GRIK2: variants seen among roughly 807,000 people sequenced by gnomAD.
The protein encoded by GRIK2 is glutamate receptor ionotropic, kainate 2.
Under a neutral mutation model 100.3 loss-of-function variants are expected in GRIK2, and 32 were observed. That is an observed-to-expected ratio of 0.32 (90% CI 0.24 to 0.43). The LOEUF (loss-of-function observed/expected upper bound fraction) is 0.43, where lower values mean the gene tolerates loss of function less well. GRIK2 is among the 20% of genes least tolerant of loss of function. The pLI is 1.00. For missense variants in GRIK2, 843 were observed against 1,114.9 expected (o/e 0.76, Z 3.47); for synonymous variants, 417 against 389.4 (o/e 1.07, Z -0.83).
At chr6:102,041,878 G>A (rs1770599552) in intron 15 of GRIK2, among the ~76,000 whole-genome samples, 1 of 151,548 alleles carries the variant, frequency 6.6e-6, no homozygotes. Flanking sequence ...TACATTTTTA[G>A]AACTGTCTTG....
At chr6:101,407,209 C>T (rs1316553789) in intron 2 of GRIK2, among the ~76,000 whole-genome samples, 2 of 152,048 alleles carry the variant, frequency 1.3e-5, no homozygotes, top group African/African-American at 4.8e-5. Flanking sequence ...GATTTTAGTA[C>T]ATTCGGGTCC....
chr6:101,987,893 G>T (rs1001299584), intron 14 of GRIK2, among the ~76,000 whole-genome samples: 6 of 150,712 alleles, frequency 4.0e-5, no homozygotes, highest in South Asian at 2.1e-4. Context: ...CTTTTTTCCT[G>T]AGCTTAGACT....
chr6:101,781,841 T>C (rs1009868999), intron 7 of GRIK2, among the ~76,000 whole-genome samples: 1 of 152,088 alleles, frequency 6.6e-6, no homozygotes, highest in Non-Finnish European at 1.5e-5. Flanking sequence ...TAGTTTTTTT[T>C]TTTCTAAAAT....
At chr6:101,474,990 A>G (rs1468183988) in intron 2 of GRIK2, among the ~76,000 whole-genome samples, 14 of 151,810 alleles carry the variant, frequency 9.2e-5, no homozygotes, top group Non-Finnish European at 4.4e-5. Flanking sequence ...CCATCCAACC[A>G]AACACTTGAG....
At chr6:101,514,275 C>G (rs939866096) in intron 2 of GRIK2, among the ~76,000 whole-genome samples, 3 of 152,024 alleles carry the variant, frequency 2.0e-5, no homozygotes, top group East Asian at 1.9e-4. Context: ...TGATATGGCT[C>G]CAACGATTGG....
chr6:101,598,979 T>A (rs1278300086), intron 2 of GRIK2, among the ~76,000 whole-genome samples: 2 of 151,696 alleles, frequency 1.3e-5, no homozygotes, highest in Non-Finnish European at 2.9e-5. Context: ...TATTATGTGA[T>A]GCTGAGGTTT....
intron 2 of GRIK2, among the ~76,000 whole-genome samples, chr6:101,595,704 GT>G (rs1161061646): frequency 8.3e-6 from 1 of 120,398 alleles, no homozygotes; most frequent in Non-Finnish European, 1.7e-5. Context: ...ATATATGTGT[GT>G]GTGTGTGTGT....
intron 4 of GRIK2, among the ~76,000 whole-genome samples, chr6:101,638,439 A>G (rs1245792604): frequency 6.6e-6 from 1 of 151,862 alleles, no homozygotes; most frequent in Non-Finnish European, 1.5e-5. Flanking sequence ...GAAATATTGC[A>G]GTATTAAGAA....
rs10588904 is a variant in GRIK2, at chr6:101,896,997, A to AACAC, written c.1748+7166_1748+7169dup. Among the ~76,000 whole-genome samples, 785 of 147,810 alleles carry AACAC rather than the reference A, an allele frequency of 5.3e-3. 3 individuals are homozygous for AACAC. Among genetic ancestry groups the AACAC allele is most frequent in the Non-Finnish European group, 6.8e-3 (453 of 66,520 alleles). On this transcript the variant is annotated intron_variant, in intron 12 of 16. Transcript: ENST00000369134. ...CTTTATGGAACATGTCATTGTATTT[A>AACAC]ACACACACACACACACACACACACA... is the stretch of plus-strand genomic sequence containing the variant.
In GRIK2 at chr6:102,052,507, G is replaced by A. The variant is rs140533200; in HGVS notation, c.2312-2823G>A. Among the ~76,000 whole-genome samples, 39 of 152,248 alleles carry A rather than the reference G, an allele frequency of 2.6e-4. No individual in the cohort carries two copies. The East Asian group carries it at 7.2e-3, about 28-fold the overall frequency. ...TTCAGCTGGCGAAAAGTCAAGCGGT[G>A]TCTCACTTGCTGAAAAGTAGGTTGC... On this transcript the variant is annotated intron_variant, in intron 15 of 16. Coordinates refer to ENST00000369134, the MANE Select transcript of GRIK2 (RefSeq NM_021956.5).
chr6:101,463,372 G>GA, intron 2 of GRIK2, among the ~76,000 whole-genome samples: 1 of 152,220 alleles, frequency 6.6e-6, no homozygotes, highest in Admixed American at 6.5e-5. Context: ...AATCTATGGT[G>GA]AAAAAAGTAA....
At chr6:101,744,526 A>ATATATATATATATC (rs1776271186) in intron 7 of GRIK2, 1 of 57,550 alleles carries the variant, frequency 1.7e-5, no homozygotes, top group African/African-American at 1.3e-4. Context: ...GTGCGCGCAT[A>ATATATATATATATC]TATATATATA....
intron 7 of GRIK2, among the ~76,000 whole-genome samples, chr6:101,783,982 G>C (rs1779265658): frequency 6.6e-6 from 1 of 152,214 alleles, no homozygotes; most frequent in Admixed American, 6.5e-5. Context: ...AATGGAAGCA[G>C]AGCATAAAGG....
At chr6:101,642,696 A>T (rs1383371716) in intron 4 of GRIK2, among the ~76,000 whole-genome samples, 1 of 151,692 alleles carries the variant, frequency 6.6e-6, no homozygotes, top group African/African-American at 2.4e-5. Context: ...TGCTATGGAC[A>T]TGGGTAAACA....
chr6:102,007,342 G>A (rs1243649138), intron 14 of GRIK2, among the ~76,000 whole-genome samples: 1 of 152,086 alleles, frequency 6.6e-6, no homozygotes, highest in Non-Finnish European at 1.5e-5. Flanking sequence ...GAAGTAATTA[G>A]GTCCTGAAAT....
At chr6:101,910,463 T>C (rs1788597101) in intron 12 of GRIK2, among the ~76,000 whole-genome samples, 2 of 151,208 alleles carry the variant, frequency 1.3e-5, no homozygotes, top group South Asian at 4.1e-4. Flanking sequence ...ATTCTTAAAG[T>C]GAAAGGAGAT....
intron 10 of GRIK2, among the ~76,000 whole-genome samples, chr6:101,853,213 T>C (rs1784240009): frequency 6.6e-6 from 1 of 152,182 alleles, no homozygotes; most frequent in Non-Finnish European, 1.5e-5. Context: ...TTTTGTTGCC[T>C]CTTTTAGTTG....
chr6:101,889,906 C>T, intron 12 of GRIK2, 43 bp downstream of exon 12: 1 of 1,025,942 alleles, frequency 9.7e-7, no homozygotes. Flanking sequence ...ATTGTTACCT[C>T]CTTTATCTAA....
At chr6:101,739,716 A>G (rs1775901640) in intron 7 of GRIK2, among the ~76,000 whole-genome samples, 1 of 152,164 alleles carries the variant, frequency 6.6e-6, no homozygotes, top group Admixed American at 6.6e-5. Flanking sequence ...CACAATTGTG[A>G]CTGTTTCCAT....
Sources: gnomAD v4.1 joint callset for allele counts (sites outside exome capture counted in the v4.1 genomes callset) on GRCh38, gnomAD v4.1.1 for gene constraint, MANE v1.5 for transcripts, NCBI Gene and HGNC (gene_info 2026-07-23, HGNC 2026-07-21) for gene names.